LYPD8: variants seen among roughly 807,000 people sequenced by gnomAD.
The protein encoded by LYPD8 is LY6/PLAUR domain containing 8, also known as ly6/PLAUR domain-containing protein 8.
Under a neutral mutation model 1.7 loss-of-function variants are expected in LYPD8, and 8 were observed. The observed-to-expected ratio is 4.58, with a 90% CI of 2.69 to 8.27. LYPD8 has a LOEUF of 8.27. Among genes scored for constraint, LYPD8 ranks in the 30% most tolerant of loss-of-function variants. LYPD8 has a pLI of 0.00. For synonymous variants in LYPD8, 50 were observed against 43.6 expected (o/e 1.15, Z -0.58); for missense variants, 112 against 102.3 (o/e 1.09, Z -0.41).
At chr1:248,753,550 AACACATCACACACACAAC>A (rs1662870188) in intron 2 of LYPD8, among the ~76,000 whole-genome samples, 1 of 95,332 alleles carries the variant, frequency 1.0e-5, no homozygotes, top group Non-Finnish European at 2.1e-5. Flanking sequence ...CATCACACAA[AACACATCACACACACAAC>A]ACACACCCCA....
At chr1:248,740,711 C>G (rs1662578180) in intron 6 of LYPD8, among the ~76,000 whole-genome samples, 3 of 151,064 alleles carry the variant, frequency 2.0e-5, no homozygotes, top group Admixed American at 6.6e-5. Context: ...GCTCTAGGAC[C>G]AGGCATGAAG....
At chr1:248,741,317 C>T (rs1553283310) in intron 6 of LYPD8, among the ~76,000 whole-genome samples, 2 of 152,198 alleles carry the variant, frequency 1.3e-5, no homozygotes, top group African/African-American at 4.8e-5. Flanking sequence ...AGTGATTCTC[C>T]TGCCTCAGCC....
chr1:248,742,992 G>T (rs1414860446), intron 6 of LYPD8, among the ~76,000 whole-genome samples: 1 of 135,404 alleles, frequency 7.4e-6, no homozygotes, highest in Non-Finnish European at 1.6e-5. Flanking sequence ...GCAGCCGGGG[G>T]AGGTTACGCT....
At chr1:248,751,163 C>G in intron 2 of LYPD8, 33 bp from the exon 3 acceptor site, 1 of 398,428 alleles carries the variant, frequency 2.5e-6, no homozygotes, top group Non-Finnish European at 4.4e-6. Context: ...GCCCCGGGGC[C>G]TTGGAGGGCT....
rs1662747336 is a variant in LYPD8 at position 248,748,433 on chromosome 1, G to A, written c.193C>T (p.Gln65Ter). 1 of 411,608 alleles carries A rather than the reference G, an allele frequency of 2.4e-6. No individual in the cohort carries two copies. The highest frequency in any genetic ancestry group is 1.0e-4 in the South Asian group (1 of 9,692). 25.5% of individuals were successfully genotyped at this position (411,608 alleles called of 1,614,324 possible). ...TTCTCCGCTGAGCAGAACATATTCT[G>A]GTATAATCTGACTGGTGTCTCTACA... Reference protein sequence around the residue: ...SSLETPVRLYQNMFCSAENCS... With the variant: ...SSLETPVRLY Residue 65 changes from glutamine (Q) to a stop codon, truncating the protein, a stop_gained, in exon 5 of 7, where the codon CAG (glutamine) becomes TAG (stop). Transcript: ENST00000590317. LOFTEE classifies it high-confidence loss of function.
In LYPD8 at chr1:248,739,947, G is replaced by T; in HGVS notation, c.476-98C>A. 4 of 1,477,676 alleles carry T rather than the reference G, an allele frequency of 2.7e-6. No homozygotes were observed. The East Asian group carries it at 9.9e-5, about 37-fold the overall frequency. The allele number at this position is 1,477,676 out of a possible 1,614,324, so 91.5% of individuals were successfully genotyped here. ...TTCACCTGCAGCACGGTGGCCCGGT[G>T]ACCAGCAAGAGCTGGTGTGCTCCTG... On this transcript the variant is annotated intron_variant, in intron 6 of 6. Coordinates refer to ENST00000590317, the MANE Select transcript of LYPD8 (RefSeq NM_001085474.2). The surrounding 1 kb of genome is among the most constrained non-coding windows in gnomAD (Gnocchi z 4.3).
intron 3 of LYPD8, 48 bp downstream of exon 3, chr1:248,750,982 G>A (rs1424032401): frequency 5.0e-6 from 2 of 398,602 alleles, no homozygotes; most frequent in Non-Finnish European, 4.4e-6. Flanking sequence ...CTGGTGAGGT[G>A]GAAAAGGGGG....
chr1:248,752,616 T>C (rs1363450721), intron 2 of LYPD8, among the ~76,000 whole-genome samples: 10,020 of 46,934 alleles, frequency 0.21, 541 homozygotes, highest in East Asian at 0.4. Context: ...CCCACACACA[T>C]CACACACACA....
At chr1:248,748,770 TCAAA>T (rs1444651947) in intron 4 of LYPD8, among the ~76,000 whole-genome samples, 1 of 152,104 alleles carries the variant, frequency 6.6e-6, no homozygotes, top group East Asian at 1.9e-4. Context: ...GTAAAAATGA[TCAAA>T]CAGACATGAC....
chr1:248,753,249 C>T (rs1662856355), intron 2 of LYPD8, among the ~76,000 whole-genome samples: 1 of 101,618 alleles, frequency 9.8e-6, no homozygotes, highest in African/African-American at 4.2e-5. Flanking sequence ...ACACCCCACA[C>T]AACACACACC....
chr1:248,748,676 C>G (rs1259713571), intron 4 of LYPD8, among the ~76,000 whole-genome samples: 3 of 152,192 alleles, frequency 2.0e-5, no homozygotes, highest in Non-Finnish European at 4.4e-5. Flanking sequence ...GCAGGTTAAA[C>G]TCCAGGCAAA....
In LYPD8 at chr1:248,739,826, G is replaced by C. The variant is rs1183607235; in HGVS notation, c.499C>G (p.Leu167Val). The C allele has an allele frequency of 3.9e-6, 6 of 1,551,730 alleles. No homozygotes were observed. The highest frequency in any genetic ancestry group is 4.4e-6 in the Non-Finnish European group (5 of 1,146,992). Residue 167 changes from leucine (L) to valine (V), a missense_variant, in exon 7 of 7, where the codon CTG (leucine) becomes GTG (valine). Coordinates refer to ENST00000590317, the MANE Select transcript of LYPD8 (RefSeq NM_001085474.2). The surrounding 1 kb of genome is among the most constrained non-coding windows in gnomAD (Gnocchi z 4.3). The stretch of plus-strand genomic sequence containing the variant: ...TTACTGACGTTGGAACAGCCTTTCA[G>C]CACGAGACTCTTAGACTCAATGTCT... ...KNDIESKSLVLKGCSNVSNAT... is the reference protein window; with the variant it reads ...KNDIESKSLVVKGCSNVSNAT...
intron 2 of LYPD8, 72 bp downstream of exon 2, chr1:248,755,167 C>T (rs1292701142): frequency 6.6e-6 from 1 of 152,248 alleles, no homozygotes; most frequent in African/African-American, 2.4e-5. Context: ...CATAGCAGGA[C>T]CCAGGGCCGT....
chr1:248,741,361 C>T lies in LYPD8; in HGVS notation c.476-1512G>A, dbSNP rs192149877. 2.2e-3 allele frequency among the ~76,000 whole-genome samples: 333 copies of T among 152,324 alleles called. 1 individual carries two copies. The highest frequency in any genetic ancestry group is 7.0e-3 in the African/African-American group (293 of 41,568). On this transcript the variant is annotated intron_variant, in intron 6 of 6. Coordinates refer to ENST00000590317, the MANE Select transcript of LYPD8 (RefSeq NM_001085474.2). ...AGTACGGACTACAGGCGCGTGCCACCACATCTGGCTAATTTTTGTATTTCT... is the reference window on the plus strand; with the variant it reads ...AGTACGGACTACAGGCGCGTGCCACTACATCTGGCTAATTTTTGTATTTCT...
intron 4 of LYPD8, among the ~76,000 whole-genome samples, chr1:248,750,188 G>GAA: frequency 6.6e-6 from 1 of 152,306 alleles, no homozygotes; most frequent in African/African-American, 2.4e-5. Context: ...ATGAGAGAGA[G>GAA]AAATGAAAGC....
At chr1:248,752,892 A>ACAC (rs1553284566) in intron 2 of LYPD8, among the ~76,000 whole-genome samples, 1,811 of 80,370 alleles carry the variant, frequency 0.023, 208 homozygotes, top group East Asian at 0.061. Context: ...CAACACATAC[A>ACAC]CACATCACAC....
At position 248,739,825 on chromosome 1, in the gene LYPD8, A is replaced by G. The variant is rs1370726523; in HGVS notation, c.500T>C (p.Leu167Pro). The change falls in exon 7 of 7, where the codon CTG becomes CCG. Residue 167 changes from leucine (L) to proline (P), a missense_variant. Leu to Pro is a moderately conservative substitution (Grantham distance 98, BLOSUM62 -3). Coordinates refer to ENST00000590317, the MANE Select transcript of LYPD8 (RefSeq NM_001085474.2). This position sits in a 1 kb window ranked among gnomAD's most constrained non-coding sequence, Gnocchi z 4.3. ...KNDIESKSLV[L>P]KGCSNVSNAT... ...GTTACTGACGTTGGAACAGCCTTTC[A>G]GCACGAGACTCTTAGACTCAATGTC... 1.0e-5 allele frequency: 16 copies of G among 1,551,666 alleles called. No individual in the cohort carries two copies. The highest frequency in any genetic ancestry group is 1.4e-5 in the Non-Finnish European group (16 of 1,147,016).
chr1:248,753,500 CA>C (rs1294565145), intron 2 of LYPD8, among the ~76,000 whole-genome samples: 2,166 of 119,102 alleles, frequency 0.018, 91 homozygotes, highest in East Asian at 0.054. Flanking sequence ...ACACAACACA[CA>C]ACACAACACA....
chr1:248,753,431 CACACA>C (rs1482796978), intron 2 of LYPD8, among the ~76,000 whole-genome samples: 30 of 134,014 alleles, frequency 2.2e-4, no homozygotes, highest in East Asian at 1.8e-3. Flanking sequence ...ACACACAACA[CACACA>C]ACACAACACA....
Sources: gnomAD v4.1 joint callset for allele counts (sites outside exome capture counted in the v4.1 genomes callset) on GRCh38, gnomAD v4.1.1 for gene constraint, Gnocchi (gnomAD v3.1) non-coding constraint, MANE v1.5 for transcripts, NCBI Gene and HGNC (gene_info 2026-07-23, HGNC 2026-07-21) for gene names.